Variants in MYH15 observed in about 807,000 individuals in gnomAD.
The protein encoded by MYH15 is myosin heavy chain 15.
Under a neutral mutation model 240.5 loss-of-function variants are expected in MYH15, and 227 were observed. The ratio of observed to expected loss-of-function variants is 0.94; its 90% confidence interval spans 0.85 to 1.05. The LOEUF (loss-of-function observed/expected upper bound fraction) is 1.05. Among genes scored for constraint, MYH15 ranks in the 50% least tolerant of loss-of-function variants. The pLI, the probability that MYH15 is intolerant of heterozygous loss-of-function variation, is 0.00. For missense variants in MYH15, 2,217 were observed against 2,247.5 expected, an observed-to-expected ratio of 0.99 and a Z score of 0.27; for synonymous variants, 785 against 796.7, an observed-to-expected ratio of 0.99 and a Z score of 0.25.
the MYH15 span, among the ~76,000 whole-genome samples, chr3:108,535,959 T>C: frequency 1.3e-5 from 2 of 152,174 alleles, no homozygotes; most frequent in Non-Finnish European, 2.9e-5. Flanking sequence ...CTGAACAAAT[T>C]GCATTAGAAA....
At chr3:108,521,913 T>C (rs190831690) in intron 1 of MYH15, among the ~76,000 whole-genome samples, 3 of 152,212 alleles carry the variant, frequency 2.0e-5, no homozygotes, top group East Asian at 1.9e-4. Context: ...GGGTGTGGTA[T>C]TGTGTCCAGA....
At chr3:108,430,737 G>T in intron 26 of MYH15, 95 bp downstream of exon 26, 2 of 935,014 alleles carry the variant, frequency 2.1e-6, no homozygotes, top group East Asian at 2.5e-5. Context: ...TTGGCTAAGG[G>T]TATGAATACC....
chr3:108,394,907 C>T (rs555768954), intron 35 of MYH15, among the ~76,000 whole-genome samples: 3 of 152,144 alleles, frequency 2.0e-5, no homozygotes, highest in Non-Finnish European at 4.4e-5. Context: ...TCACTTTATC[C>T]GTTTCACATT....
At chr3:108,395,635 C>CTTTTTT (rs10708448) in intron 35 of MYH15, among the ~76,000 whole-genome samples, 2 of 135,536 alleles carry the variant, frequency 1.5e-5, no homozygotes, top group African/African-American at 2.8e-5. Context: ...TTTTTTCTTT[C>CTTTTTT]TTTTTTTTTT....
Position 108,413,749 on chromosome 3 carries a change from A to T in MYH15, c.4145+483T>A, listed in dbSNP as rs564459570. On this transcript the variant is annotated intron_variant, in intron 30 of 40. Coordinates refer to ENST00000693548, the MANE Select transcript of MYH15 (RefSeq NM_014981.3). ...CAAAGCAACCTTTGTCCTAGAAGAC[A>T]TGACGACAGATCCTAACATTTTTTT... 7.9e-5 allele frequency among the ~76,000 whole-genome samples: 12 copies of T among 152,356 alleles called. 1 individual carries two copies. The South Asian group carries it at 2.5e-3, about 32-fold the overall frequency.
At chr3:108,407,002 A>G (rs914354413) in intron 32 of MYH15, among the ~76,000 whole-genome samples, 3 of 152,182 alleles carry the variant, frequency 2.0e-5, no homozygotes, top group Admixed American at 1.3e-4. Context: ...ATAGCCAGAG[A>G]ACCAAAGGGA....
chr3:108,384,545 A>AC, intron 39 of MYH15, 142 bp downstream of exon 39: 1 of 710,752 alleles, frequency 1.4e-6, no homozygotes, highest in Non-Finnish European at 2.3e-6. Flanking sequence ...TTCTAACTTG[A>AC]GAAAAAAAAC....
At chr3:108,494,446 C>T (rs2083376835) in intron 7 of MYH15, among the ~76,000 whole-genome samples, 1 of 151,510 alleles carries the variant, frequency 6.6e-6, no homozygotes, top group Non-Finnish European at 1.5e-5. Flanking sequence ...TTCTCCTCTA[C>T]TTCTTTCCTT....
Position 108,410,734 on chromosome 3 carries a change from C to T in MYH15, c.4344G>A (p.Trp1448Ter), listed in dbSNP as rs1414594733. ...QLQSGKALAD[W>*]KQKHEESQAL... is the part of the protein sequence containing the mutation. ...CCTGGGACTCCTCGTGCTTCTGCTTCCAGTCGGCAAGGGCCTTGCCAGACT... is the reference window on the plus strand; with the variant it reads ...CCTGGGACTCCTCGTGCTTCTGCTTTCAGTCGGCAAGGGCCTTGCCAGACT... The change falls in exon 31 of 41, where the codon TGG (tryptophan) becomes TGA (stop). Residue 1448 changes from tryptophan to a stop codon, truncating the protein, a stop_gained. Coordinates refer to ENST00000693548, the MANE Select transcript of MYH15 (RefSeq NM_014981.3). LOFTEE classifies it high-confidence loss of function. 2 of 1,614,044 alleles carry T rather than the reference C, an allele frequency of 1.2e-6. No individual in the cohort carries two copies. Among genetic ancestry groups the T allele is most frequent in the Non-Finnish European group, 1.7e-6 (2 of 1,180,046 alleles).
chr3:108,470,310 A>G (rs2083161581), intron 13 of MYH15, 98 bp from the exon 14 acceptor site: 2 of 830,994 alleles, frequency 2.4e-6, no homozygotes, highest in Non-Finnish European at 3.7e-6. Context: ...CCATTATTAT[A>G]TGATCAGAAA....
chr3:108,439,728 G>A lies in MYH15; in HGVS notation c.3075+9C>T, dbSNP rs140762700. On this transcript the variant is annotated intron_variant, in intron 24 of 40. Coordinates refer to ENST00000693548, the MANE Select transcript of MYH15 (RefSeq NM_014981.3). ...AGATAGATAACTAACCAGATACACC[G>A]TTACTGACCTCATCAACTTGCTGTT... 281 of 1,588,856 alleles carry A rather than the reference G, an allele frequency of 1.8e-4. No individual in the cohort carries two copies. The African/African-American group carries it at 3.1e-3, about 18-fold the overall frequency.
At chr3:108,446,872 A>G (rs955589065) in intron 21 of MYH15, among the ~76,000 whole-genome samples, 10 of 152,180 alleles carry the variant, frequency 6.6e-5, no homozygotes, top group African/African-American at 1.9e-4. Flanking sequence ...AATAAAATAA[A>G]TCCCTAAAAA....
chr3:108,496,016 C>A, intron 6 of MYH15, 144 bp from the exon 7 acceptor site: 1 of 550,670 alleles, frequency 1.8e-6, no homozygotes, highest in Non-Finnish European at 3.2e-6. Flanking sequence ...GTTATATTAT[C>A]TTCGAATGAG....
At chr3:108,521,136 G>A (rs993645530) in intron 1 of MYH15, among the ~76,000 whole-genome samples, 39 of 151,916 alleles carry the variant, frequency 2.6e-4, no homozygotes, top group Admixed American at 2.4e-3. Context: ...CCTCCCAAAA[G>A]TGTAATTTTT....
upstream of MYH15, chr3:108,529,432 C>T: frequency 1.7e-6 from 1 of 578,882 alleles, no homozygotes; most frequent in East Asian, 3.1e-5. Context: ...TATATTTAGT[C>T]ATTGTGCTTG....
chr3:108,527,045 C>A (rs938100870), intron 1 of MYH15, among the ~76,000 whole-genome samples: 9 of 152,112 alleles, frequency 5.9e-5, no homozygotes, highest in African/African-American at 2.2e-4. Context: ...ATTTAGTGTG[C>A]ATCAGAATTA....
chr3:108,493,321 G>A, intron 7 of MYH15, 144 bp from the exon 8 acceptor site: 3 of 636,482 alleles, frequency 4.7e-6, no homozygotes, highest in South Asian at 4.2e-5. Flanking sequence ...AAAAAAGAAA[G>A]AAAGAAAAGA....
intron 25 of MYH15, among the ~76,000 whole-genome samples, chr3:108,433,366 G>C (rs534667506): frequency 6.6e-6 from 1 of 152,350 alleles, no homozygotes; most frequent in African/African-American, 2.4e-5. Context: ...TTAGGCAGAA[G>C]GGACTTGCCT....
At chr3:108,549,020 TG>T in the MYH15 span, among the ~76,000 whole-genome samples, 1 of 152,054 alleles carries the variant, frequency 6.6e-6, no homozygotes, top group Non-Finnish European at 1.5e-5. Flanking sequence ...TTTTATGAGA[TG>T]TGTCTATTTG....
Sources: allele counts gnomAD v4.1 joint callset (sites outside exome capture counted in the v4.1 genomes callset), GRCh38; gene constraint gnomAD v4.1.1; transcripts MANE v1.5; gene names NCBI Gene and HGNC (gene_info 2026-07-23, HGNC 2026-07-21).